DPYSL5: variants seen among roughly 807,000 people sequenced by gnomAD.
DPYSL5 encodes dihydropyrimidinase like 5.
Under a neutral mutation model 58.4 loss-of-function variants are expected in DPYSL5, and 9 were observed. The observed-to-expected ratio is 0.15, with a 90% CI of 0.09 to 0.27. The LOEUF is 0.27. DPYSL5 is among the 10% of genes least tolerant of loss of function. The pLI, the probability that DPYSL5 is intolerant of heterozygous loss-of-function variation, is 1.00. For missense variants in DPYSL5, 499 were observed against 770.6 expected (o/e 0.65, Z 4.17); for synonymous variants, 293 against 301.9 (o/e 0.97, Z 0.31).
intron 2 of DPYSL5, among the ~76,000 whole-genome samples, chr2:26,904,697 G>C (rs899098587): frequency 6.6e-6 from 1 of 152,142 alleles, no homozygotes; most frequent in East Asian, 1.9e-4. Context: ...GAGCCCAGGA[G>C]TTTGAGAGCA....
At chr2:26,853,005 T>C (rs1665794045) in intron 1 of DPYSL5, among the ~76,000 whole-genome samples, 1 of 152,202 alleles carries the variant, frequency 6.6e-6, no homozygotes, top group Admixed American at 6.5e-5. Context: ...GGCAAGTTGC[T>C]GTAGGGATTA....
chr2:26,883,115 A>G (rs1024471056), intron 1 of DPYSL5, among the ~76,000 whole-genome samples: 4 of 152,166 alleles, frequency 2.6e-5, no homozygotes, highest in African/African-American at 9.7e-5. Context: ...ATACAGAAAC[A>G]TGCAGAAAAT....
chr2:26,936,070 G>A (rs1305878675), intron 8 of DPYSL5, among the ~76,000 whole-genome samples: 2 of 152,188 alleles, frequency 1.3e-5, no homozygotes, highest in Admixed American at 6.5e-5. Flanking sequence ...CTCCACAAGT[G>A]AACCTCTTGA....
chr2:26,886,475 G>T (rs2148128144), intron 1 of DPYSL5, among the ~76,000 whole-genome samples: 1 of 151,956 alleles, frequency 6.6e-6, no homozygotes, highest in East Asian at 1.9e-4. Context: ...ACCTGAAAAG[G>T]AACAAAATAT....
chr2:26,848,841 C>A (rs1375590605), intron 1 of DPYSL5, among the ~76,000 whole-genome samples: 2 of 152,188 alleles, frequency 1.3e-5, no homozygotes, highest in Non-Finnish European at 2.9e-5. Flanking sequence ...CTCCGAGCCT[C>A]CCGCCTGAGC....
At chr2:26,909,897 A>G (rs1050519908) in intron 2 of DPYSL5, among the ~76,000 whole-genome samples, 1 of 152,188 alleles carries the variant, frequency 6.6e-6, no homozygotes, top group Non-Finnish European at 1.5e-5. Context: ...TTAATGTTTG[A>G]TAAGCTGCAC....
At chr2:26,852,639 C>A (rs1665785522) in intron 1 of DPYSL5, among the ~76,000 whole-genome samples, 1 of 152,168 alleles carries the variant, frequency 6.6e-6, no homozygotes, top group South Asian at 2.1e-4. Context: ...GTAGCGTGTA[C>A]AGGAGGGAGA....
chr2:26,873,425 C>CTG (rs1300611252), intron 1 of DPYSL5, among the ~76,000 whole-genome samples: 4 of 152,148 alleles, frequency 2.6e-5, no homozygotes, highest in Non-Finnish European at 5.9e-5. Flanking sequence ...TCTCAGGCGA[C>CTG]ATATAGCAAT....
intron 6 of DPYSL5, among the ~76,000 whole-genome samples, chr2:26,932,214 A>C (rs1199663899): frequency 6.8e-6 from 1 of 146,824 alleles, no homozygotes; most frequent in Admixed American, 6.9e-5. Context: ...AAAGAAAAGA[A>C]AGAAAGAAAG....
intron 1 of DPYSL5, among the ~76,000 whole-genome samples, chr2:26,892,691 A>C (rs1383727880): frequency 1.3e-5 from 2 of 151,622 alleles, no homozygotes; most frequent in East Asian, 3.9e-4. Context: ...AAACAAAAAA[A>C]CAAACAAAAA....
chr2:26,920,479 T>C (rs1457795472), intron 2 of DPYSL5, among the ~76,000 whole-genome samples: 1 of 152,206 alleles, frequency 6.6e-6, no homozygotes, highest in Non-Finnish European at 1.5e-5. Flanking sequence ...AAAATAACCA[T>C]TGTTGGCCAG....
At chr2:26,900,499 T>C (rs1459886727) in intron 2 of DPYSL5, among the ~76,000 whole-genome samples, 2 of 152,238 alleles carry the variant, frequency 1.3e-5, no homozygotes, top group African/African-American at 4.8e-5. Context: ...ATTTAGGTCA[T>C]TGCTTGTTTG....
At chr2:26,861,105 A>C (rs1666000160) in intron 1 of DPYSL5, among the ~76,000 whole-genome samples, 1 of 152,198 alleles carries the variant, frequency 6.6e-6, no homozygotes, top group Admixed American at 6.5e-5. Flanking sequence ...ACGGACCCCC[A>C]GATGCAGGCC....
At chr2:26,889,584 T>G (rs565121850) in intron 1 of DPYSL5, among the ~76,000 whole-genome samples, 1 of 151,932 alleles carries the variant, frequency 6.6e-6, no homozygotes, top group East Asian at 1.9e-4. Context: ...GAGCTTATAC[T>G]TCTTTCTGAC....
rs558659095 is a variant in DPYSL5 at position 26,934,785 on chromosome 2, C to T, written c.947+51C>T. The T allele has an allele frequency of 4.1e-5, 65 of 1,595,680 alleles. No homozygotes were observed. The African/African-American group carries it at 4.3e-4, about 11-fold the overall frequency. On this transcript the variant is annotated intron_variant, in intron 8 of 12. Coordinates refer to ENST00000288699, the MANE Select transcript of DPYSL5 (RefSeq NM_020134.4). The surrounding 1 kb of genome is among the most constrained non-coding windows in gnomAD (Gnocchi z 4.3). ...AGGGATGTGTACATCTTTAGGAAGA[C>T]GTCATAGAGGGCCCAGGAAACAAAT...
rs1664083123 is a variant in DPYSL5, at chr2:26,898,863, A to G, written c.261+103A>G. 3.5e-6 allele frequency: 5 copies of G among 1,418,312 alleles called. No individual in the cohort carries two copies. Among genetic ancestry groups the G allele is most frequent in the Non-Finnish European group, 2.9e-6 (3 of 1,052,284 alleles). The allele number at this position is 1,418,312 out of a possible 1,614,324, so 87.9% of individuals were successfully genotyped here. On this transcript the variant is annotated intron_variant, in intron 2 of 12. Coordinates refer to ENST00000288699, the MANE Select transcript of DPYSL5 (RefSeq NM_020134.4). This position sits in a 1 kb window ranked among gnomAD's most constrained non-coding sequence, Gnocchi z 6.1. ...CATGTGAGCCAGGTGCTCCCAGTGT[A>G]TTGCTGGCAGGAGAAGGGTGTGTCA... is the stretch of plus-strand genomic sequence containing the variant.
In DPYSL5 at chr2:26,925,748, A is replaced by C. The variant is rs1664816147; in HGVS notation, c.420+703A>C. On this transcript the variant is annotated intron_variant, in intron 3 of 12. Coordinates refer to ENST00000288699, the MANE Select transcript of DPYSL5 (RefSeq NM_020134.4). This position sits in a 1 kb window ranked among gnomAD's most constrained non-coding sequence, Gnocchi z 4.5. ...CACTTCCTTGCTCTTCCTAATCTAC[A>C]GGCATTTCGATTTGGCTTTGTTTCT... 6.6e-6 allele frequency among the ~76,000 whole-genome samples: 1 copy of C among 151,434 alleles called. No homozygotes were observed. The highest frequency in any genetic ancestry group is 1.5e-5 in the Non-Finnish European group (1 of 67,920).
chr2:26,928,380 T>G lies in DPYSL5; in HGVS notation c.669+57T>G. On this transcript the variant is annotated intron_variant, in intron 5 of 12. Transcript: ENST00000288699. ...GTCTCTCATGTAGATTGACAGAATC[T>G]TCCAGGATGGAGGAGACATCAAACA... The G allele has an allele frequency of 1.9e-6, 3 of 1,577,228 alleles. No homozygotes were observed. The Middle Eastern group carries it at 5.0e-4, about 264-fold the overall frequency.
At position 26,889,028 on chromosome 2, in the gene DPYSL5, C is replaced by T. The variant is rs142458600; in HGVS notation, c.-4-9468C>T. On this transcript the variant is annotated intron_variant, in intron 1 of 12. Coordinates refer to ENST00000288699, the MANE Select transcript of DPYSL5 (RefSeq NM_020134.4). ...TCTCTCCTGTCTCTTCTTCTAAGGA[C>T]ACTATTCCCATTCATGAGGGTTCAC... is the stretch of plus-strand genomic sequence containing the variant. Among the ~76,000 whole-genome samples, 47 of 152,160 alleles carry T rather than the reference C, an allele frequency of 3.1e-4. No homozygotes were observed. The East Asian group carries it at 8.7e-3, about 28-fold the overall frequency.
Sources: allele counts gnomAD v4.1 joint callset (sites outside exome capture counted in the v4.1 genomes callset), GRCh38; gene constraint gnomAD v4.1.1; non-coding constraint Gnocchi (gnomAD v3.1); transcripts MANE v1.5; gene names NCBI Gene and HGNC (gene_info 2026-07-23, HGNC 2026-07-21).